Variants in RUSC2 observed in about 807,000 individuals in gnomAD.
RUSC2 encodes the protein RUN and SH3 domain containing 2, also known as AP-4 complex accessory subunit RUSC2.
A neutral mutation model predicts 122.2 loss-of-function variants in RUSC2; 34 were observed. The ratio of observed to expected loss-of-function variants is 0.28; its 90% CI spans 0.21 to 0.37. The LOEUF (loss-of-function observed/expected upper bound fraction) is 0.37, where lower values mean the gene tolerates loss of function less well. RUSC2 is among the 10% of genes least tolerant of loss of function. The probability of loss-of-function intolerance (pLI) is 1.00; values close to 1 mark genes in which losing one functional copy is unlikely to be tolerated. For synonymous variants in RUSC2, 784 were observed against 790.0 expected, an observed-to-expected ratio of 0.99 and a Z score of 0.13; for missense variants, 1,747 against 1,952.4, an observed-to-expected ratio of 0.89 and a Z score of 1.98.
chr9:35,500,522 A>G (rs1820801234), intron 1 of RUSC2, among the ~76,000 whole-genome samples: 1 of 152,208 alleles, frequency 6.6e-6, no homozygotes, highest in African/African-American at 2.4e-5. Context: ...TAAAACAACA[A>G]TTGATTTTAT....
intron 1 of RUSC2, among the ~76,000 whole-genome samples, chr9:35,524,567 T>C (rs1030494921): frequency 6.6e-6 from 1 of 152,180 alleles, no homozygotes; most frequent in Non-Finnish European, 1.5e-5. Context: ...TAAAATGACC[T>C]CATGTGTTGG....
intron 8 of RUSC2, 67 bp from the exon 9 acceptor site, chr9:35,559,159 C>G: frequency 7.7e-7 from 1 of 1,305,900 alleles, no homozygotes; most frequent in Non-Finnish European, 1.1e-6. Flanking sequence ...GCCTGACCCC[C>G]TGGATCTGTC....
intron 1 of RUSC2, among the ~76,000 whole-genome samples, chr9:35,497,110 C>T (rs1441596495): frequency 2.0e-5 from 3 of 152,196 alleles, no homozygotes; most frequent in East Asian, 3.8e-4. Context: ...TCCTGTCCTT[C>T]CCCTTAGAGA....
chr9:35,523,766 G>T (rs1367008604), intron 1 of RUSC2, among the ~76,000 whole-genome samples: 2 of 151,536 alleles, frequency 1.3e-5, no homozygotes, highest in Non-Finnish European at 2.9e-5. Context: ...AGTGAGCCAA[G>T]ATAGGGCCAC....
rs768717390 is a variant in RUSC2 at position 35,560,082 on chromosome 9, G to A, written c.3442G>A (p.Val1148Met). The A allele has an allele frequency of 3.7e-5, 59 of 1,613,524 alleles. No individual in the cohort carries two copies. The highest frequency in any genetic ancestry group is 1.9e-4 in the African/African-American group (14 of 74,940). ...PWGFLSAAHTVCPGLFEELLL... is the reference protein window; with the variant it reads ...PWGFLSAAHTMCPGLFEELLL... ...GGGCTTCCTGAGTGCAGCTCATACC[G>A]TGTGTCCCGGCCTCTTTGAAGAGCT... is the stretch of plus-strand genomic sequence containing the variant. Residue 1148 changes from valine (V) to methionine (M), a missense_variant, in exon 10 of 12, where the codon GTG becomes ATG. By Grantham distance (21) the Val-to-Met change is conservative. Coordinates refer to ENST00000361226, the MANE Select transcript of RUSC2 (RefSeq NM_014806.5).
In RUSC2 at chr9:35,557,548, G is replaced by T. The variant is rs1463714941; in HGVS notation, c.2984-366G>T. 1.3e-5 allele frequency among the ~76,000 whole-genome samples: 2 copies of T among 152,192 alleles called. No homozygotes were observed. Among genetic ancestry groups the T allele is most frequent in the Admixed American group, 6.5e-5 (1 of 15,276 alleles). On this transcript the variant is annotated intron_variant, in intron 5 of 11. Coordinates refer to ENST00000361226, the MANE Select transcript of RUSC2 (RefSeq NM_014806.5). This position sits in a 1 kb window ranked among gnomAD's most constrained non-coding sequence, Gnocchi z 4.6. ...ATGTGTCAAAGAACCGCCCTTGTCT[G>T]GCACTGGCACTGGGGTGAGGGACTT...
intron 2 of RUSC2, among the ~76,000 whole-genome samples, chr9:35,550,577 G>C (rs904651957): frequency 2.6e-5 from 4 of 152,004 alleles, no homozygotes; most frequent in African/African-American, 9.7e-5. Context: ...AGTGAGCCTA[G>C]ATCATGCCAC....
At chr9:35,516,813 G>A (rs1019809788) in intron 1 of RUSC2, among the ~76,000 whole-genome samples, 1 of 152,204 alleles carries the variant, frequency 6.6e-6, no homozygotes, top group African/African-American at 2.4e-5. Context: ...GTCCCTGCCA[G>A]GGTGTTTTCA....
chr9:35,558,410 T>G lies in RUSC2; in HGVS notation c.3235+39T>G, dbSNP rs774394281. On this transcript the variant is annotated intron_variant, in intron 7 of 11. Coordinates refer to ENST00000361226, the MANE Select transcript of RUSC2 (RefSeq NM_014806.5). This position sits in a 1 kb window ranked among gnomAD's most constrained non-coding sequence, Gnocchi z 4.3. ...GCCAAGACGGGGACCCAGGGCTGAA[T>G]TTAGGGCTCCAGAAATTGGTCATGT... is the stretch of plus-strand genomic sequence containing the variant. 6.2e-7 allele frequency: 1 copy of G among 1,613,818 alleles called. No homozygotes were observed. Among genetic ancestry groups the G allele is most frequent in the Non-Finnish European group, 8.5e-7 (1 of 1,179,894 alleles).
chr9:35,556,320 A>C lies in RUSC2; in HGVS notation c.2855A>C (p.Lys952Thr). 1 of 1,614,104 alleles carries C rather than the reference A, an allele frequency of 6.2e-7. No homozygotes were observed. Among genetic ancestry groups the C allele is most frequent in the Non-Finnish European group, 8.5e-7 (1 of 1,180,008 alleles). Residue 952 changes from lysine (K) to threonine (T), a missense_variant, in exon 5 of 12, where the codon AAG becomes ACG. Physicochemically the swap from Lys to Thr is moderately conservative, Grantham distance 78. Coordinates refer to ENST00000361226, the MANE Select transcript of RUSC2 (RefSeq NM_014806.5). The stretch of plus-strand genomic sequence containing the variant: ...CTCTTCTTTCCAGGCCAAGCAGTGA[A>C]GCCGTTACCACTGACCTGCCCTGAC... ...LNCRLNGQAVKPLPLTCPDFQ... is the reference protein window; with the variant it reads ...LNCRLNGQAVTPLPLTCPDFQ...
chr9:35,548,397 C>T lies in RUSC2; in HGVS notation c.1876C>T (p.His626Tyr), dbSNP rs148505890. The T allele has an allele frequency of 1.0e-3, 1,652 of 1,614,088 alleles. 19 individuals carry two copies. In the African/African-American group the frequency reaches 0.019, roughly 19 times the overall value. The change falls in exon 2 of 12, where the codon CAC becomes TAC. Residue 626 changes from histidine to tyrosine, a missense_variant. His to Tyr is a moderately conservative substitution (Grantham distance 83, BLOSUM62 2). Coordinates refer to ENST00000361226, the MANE Select transcript of RUSC2 (RefSeq NM_014806.5). The surrounding 1 kb of genome is among the most constrained non-coding windows in gnomAD (Gnocchi z 4.5). Reference protein sequence around the residue: ...PWSTQVCQGPHSSEMPPAGLR... With the variant: ...PWSTQVCQGPYSSEMPPAGLR... ...GTCCACCCAGGTCTGTCAGGGACCCCACTCCAGTGAGATGCCTCCTGCTGG... is the reference window on the plus strand; with the variant it reads ...GTCCACCCAGGTCTGTCAGGGACCCTACTCCAGTGAGATGCCTCCTGCTGG...
chr9:35,555,782 C>T lies in RUSC2; in HGVS notation c.2656+81C>T. 9 of 1,501,318 alleles carry T rather than the reference C, an allele frequency of 6.0e-6. No homozygotes were observed. The highest frequency in any genetic ancestry group is 8.0e-6 in the Non-Finnish European group (9 of 1,123,710). The allele number at this position is 1,501,318 out of a possible 1,614,324, so 93.0% of individuals were successfully genotyped here. ...CACCTCCCCTTTGAGTGGTTGCTTA[C>T]ACTCTCACCTGGGGCCAGAGGTTAG... On this transcript the variant is annotated intron_variant, in intron 3 of 11. Coordinates refer to ENST00000361226, the MANE Select transcript of RUSC2 (RefSeq NM_014806.5). The surrounding 1 kb of genome is among the most constrained non-coding windows in gnomAD (Gnocchi z 4.6).
At chr9:35,551,800 C>T (rs4879905) in intron 2 of RUSC2, among the ~76,000 whole-genome samples, 94,375 of 151,998 alleles carry the variant, frequency 0.62, 30,725 homozygotes, top group Non-Finnish European at 0.72. Flanking sequence ...TGGCTCACAC[C>T]TATAATCCCA....
chr9:35,527,726 A>G (rs527616462), intron 1 of RUSC2, among the ~76,000 whole-genome samples: 1 of 152,182 alleles, frequency 6.6e-6, no homozygotes, highest in Non-Finnish European at 1.5e-5. Flanking sequence ...TTATAAACTA[A>G]TTTTTCTTGA....
intron 1 of RUSC2, among the ~76,000 whole-genome samples, chr9:35,494,860 T>C (rs1820646273): frequency 6.9e-6 from 1 of 145,048 alleles, no homozygotes; most frequent in South Asian, 2.1e-4. Flanking sequence ...CATTGCCAAA[T>C]TAAGTGACAT....
chr9:35,555,941 TCTG>T lies in RUSC2; in HGVS notation c.2657-8_2657-6del. 6.2e-7 allele frequency: 1 copy of T among 1,613,290 alleles called. No homozygotes were observed. On this transcript the variant is annotated splice_polypyrimidine_tract_variant and splice_region_variant and intron_variant, in intron 3 of 11. Coordinates refer to ENST00000361226, the MANE Select transcript of RUSC2 (RefSeq NM_014806.5). This position sits in a 1 kb window ranked among gnomAD's most constrained non-coding sequence, Gnocchi z 4.6. Reference sequence around the variant, plus strand: ...AACTCTTGTCTTTCTGCTAATCTGTTCTGCTTCCAGCCAACCACCTATCCCCTC... The same window carrying T: ...AACTCTTGTCTTTCTGCTAATCTGTTCTTCCAGCCAACCACCTATCCCCTC...
chr9:35,556,369 G>A lies in RUSC2; in HGVS notation c.2904G>A (p.Thr968=), dbSNP rs557556581. The A allele has an allele frequency of 3.0e-5, 49 of 1,614,180 alleles. No individual in the cohort carries two copies. The South Asian group carries it at 4.9e-4, about 16-fold the overall frequency. ...ACTTCCAGGACCCCTTTTCCTTGAC[G>A]GAGAAGCCTCCAGCTGAGTTTTGTC... ...CPDFQDPFSL[T]EKPPAEFCLS... The change falls in exon 5 of 12, where the codon ACG becomes ACA. Residue 968 remains threonine, a synonymous_variant. Transcript: ENST00000361226.
At chr9:35,495,080 G>T (rs55942625) in intron 1 of RUSC2, among the ~76,000 whole-genome samples, 11 of 6,432 alleles carry the variant, frequency 1.7e-3, no homozygotes, top group East Asian at 6.8e-3. Flanking sequence ...ATTATATATA[G>T]TATATATTAT....
chr9:35,490,626 G>A (rs780972422), intron 1 of RUSC2, among the ~76,000 whole-genome samples: 91 of 152,286 alleles, frequency 6.0e-4, no homozygotes, highest in Non-Finnish European at 1.1e-3. Context: ...CCTCCCTACT[G>A]CCAGTTCCCG....
Sources: gnomAD v4.1 joint callset for allele counts (sites outside exome capture counted in the v4.1 genomes callset) on GRCh38, gnomAD v4.1.1 for gene constraint, Gnocchi (gnomAD v3.1) non-coding constraint, MANE v1.5 for transcripts, NCBI Gene and HGNC (gene_info 2026-07-23, HGNC 2026-07-21) for gene names.